The following COL15A1 variants were observed in gnomAD, a reference collection of about 807,000 sequenced individuals.
COL15A1 encodes collagen type XV alpha 1 chain.
A neutral mutation model predicts 165.9 loss-of-function variants in COL15A1; 111 were observed. The ratio of observed to expected loss-of-function variants is 0.67; its 90% CI spans 0.57 to 0.78. The LOEUF (loss-of-function observed/expected upper bound fraction) is 0.78. COL15A1 is among the 30% of genes least tolerant of loss of function. The pLI, the probability that COL15A1 is intolerant of heterozygous loss-of-function variation, is 0.00. For missense variants in COL15A1, 1,745 were observed against 1,789.7 expected, an observed-to-expected ratio of 0.98 and a Z score of 0.45; for synonymous variants, 659 against 674.8, an observed-to-expected ratio of 0.98 and a Z score of 0.36.
intron 2 of COL15A1, among the ~76,000 whole-genome samples, chr9:98,970,427 C>G (rs1361903376): frequency 6.6e-6 from 1 of 152,202 alleles, no homozygotes; most frequent in Non-Finnish European, 1.5e-5. Context: ...ATCAGAGAAA[C>G]CAAACCCTGT....
intron 2 of COL15A1, among the ~76,000 whole-genome samples, chr9:98,979,157 C>G (rs1429021628): frequency 1.3e-5 from 2 of 152,032 alleles, no homozygotes; most frequent in Admixed American, 1.3e-4. Context: ...AAATTTAAAC[C>G]ACGATGCTGT....
At chr9:98,973,478 T>TAAA (rs1163516648) in intron 2 of COL15A1, among the ~76,000 whole-genome samples, 1 of 152,248 alleles carries the variant, frequency 6.6e-6, no homozygotes, top group Non-Finnish European at 1.5e-5. Context: ...AAACAGTTCT[T>TAAA]TTTTAAGAAA....
At chr9:98,945,025 G>A (rs527817350) in intron 2 of COL15A1, among the ~76,000 whole-genome samples, 2 of 152,302 alleles carry the variant, frequency 1.3e-5, no homozygotes, top group Admixed American at 1.3e-4. Flanking sequence ...TCTGAAAAAG[G>A]CGATTAATTA....
At position 99,004,827 on chromosome 9, in the gene COL15A1, T is replaced by C. The variant is rs1264866095; in HGVS notation, c.1201-71T>C. On this transcript the variant is annotated intron_variant, in intron 8 of 41. Coordinates refer to ENST00000375001, the MANE Select transcript of COL15A1 (RefSeq NM_001855.5). ...GGTGCTTTGAGGGGCCCTGGCCTTCTGTTCCTTACCACAGTGTGGTGGATC... is the reference window on the plus strand; with the variant it reads ...GGTGCTTTGAGGGGCCCTGGCCTTCCGTTCCTTACCACAGTGTGGTGGATC... The C allele has an allele frequency of 6.3e-6, 10 of 1,591,382 alleles. No homozygotes were observed. In the East Asian group the frequency reaches 1.6e-4, roughly 25 times the overall value.
intron 6 of COL15A1, among the ~76,000 whole-genome samples, chr9:98,997,426 C>T (rs1838567290): frequency 6.6e-6 from 1 of 152,174 alleles, no homozygotes; most frequent in Admixed American, 6.5e-5. Context: ...TTGTTGAATA[C>T]CTACAGTGTG....
Position 99,044,571 on chromosome 9 carries a change from G to A in COL15A1, c.2578G>A (p.Glu860Lys), listed in dbSNP as rs185912222. ...GFPGLKGEQG[E>K]KGEPGAILTE... ...TGAGATGTTCTCTGAATTGCAGGGC[G>A]AGAAGGGAGAGCCGGGTGCCATCCT... Residue 860 changes from glutamate to lysine, a missense_variant, in exon 25 of 42, where the codon GAG becomes AAG. Physicochemically the swap from Glu to Lys is moderately conservative, Grantham distance 56. Transcript: ENST00000375001. 1.5e-5 allele frequency: 24 copies of A among 1,614,042 alleles called. 1 individual carries two copies. In the Admixed American group the frequency reaches 1.8e-4, roughly 12 times the overall value.
chr9:99,004,898 G>C lies in COL15A1; in HGVS notation c.1201G>C (p.Gly401Arg), dbSNP rs1838729856. ...CGGTTCCTGTTGACTTTCTATTCAG[G>C]GTCCAGATAATGAAGAGCGTTTAGC... The part of the protein sequence containing the change: ...TENPEEGVTP[G>R]PDNEERLAAT... Residue 401 changes from glycine (G) to arginine (R), a missense_variant and splice_region_variant, in exon 9 of 42, where the codon GGT becomes CGT. Coordinates refer to ENST00000375001, the MANE Select transcript of COL15A1 (RefSeq NM_001855.5). The C allele has an allele frequency of 6.2e-7, 1 of 1,613,854 alleles. No homozygotes were observed. Among genetic ancestry groups the C allele is most frequent in the Admixed American group, 1.7e-5 (1 of 59,996 alleles).
At chr9:99,055,019 A>G in intron 32 of COL15A1, 83 bp from the exon 33 acceptor site, 1 of 1,149,318 alleles carries the variant, frequency 8.7e-7, no homozygotes, top group Non-Finnish European at 1.3e-6. Context: ...ACTAAGATGT[A>G]ACTGTGGTTG....
intron 7 of COL15A1, among the ~76,000 whole-genome samples, chr9:99,002,404 G>GGAGGA (rs1838675798): frequency 6.6e-6 from 1 of 152,156 alleles, no homozygotes; most frequent in Admixed American, 6.6e-5. Context: ...TGAGTAGAGG[G>GGAGGA]GAGGAGAAGA....
intron 5 of COL15A1, among the ~76,000 whole-genome samples, chr9:98,991,032 C>G (rs2118905885): frequency 6.6e-6 from 1 of 152,240 alleles, no homozygotes; most frequent in Non-Finnish European, 1.5e-5. Flanking sequence ...GGCAGTGCCT[C>G]TGGAGTTGTT....
At chr9:99,061,937 A>T (rs1318780908) in intron 36 of COL15A1, 34 bp from the exon 37 acceptor site, 12 of 1,600,042 alleles carry the variant, frequency 7.5e-6, no homozygotes, top group Non-Finnish European at 1.0e-5. Flanking sequence ...CTCTAATGAT[A>T]ATGGCAGTGT....
rs1839383930 is a variant in COL15A1, at chr9:99,040,505, CTTT to C, written c.2476-15_2476-13del. The C allele has an allele frequency of 6.2e-7, 1 of 1,614,060 alleles. No individual in the cohort carries two copies. The highest frequency in any genetic ancestry group is 8.5e-7 in the Non-Finnish European group (1 of 1,180,048). ...CCGCTCCTAATCCAGCGTGCTCTAT[CTTT>C]GGTGTGTCACAGGGGCCGGACGGGT... On this transcript the variant is annotated splice_polypyrimidine_tract_variant and intron_variant, in intron 22 of 41. Coordinates refer to ENST00000375001, the MANE Select transcript of COL15A1 (RefSeq NM_001855.5).
intron 2 of COL15A1, among the ~76,000 whole-genome samples, chr9:98,961,329 G>A (rs985512937): frequency 6.6e-6 from 1 of 152,220 alleles, no homozygotes; most frequent in Non-Finnish European, 1.5e-5. Context: ...TTTATAAATG[G>A]TAGAAAATGT....
intron 16 of COL15A1, among the ~76,000 whole-genome samples, chr9:99,032,004 A>T (rs1309245382): frequency 6.6e-6 from 1 of 152,068 alleles, no homozygotes; most frequent in Non-Finnish European, 1.5e-5. Context: ...TGATTTGAAG[A>T]TGATCACCAT....
At position 99,016,046 on chromosome 9, in the gene COL15A1, A is replaced by T. The variant is rs1040185004; in HGVS notation, c.1574A>T (p.Glu525Val). 1.4e-5 allele frequency: 22 copies of T among 1,613,916 alleles called. No homozygotes were observed. The highest frequency in any genetic ancestry group is 1.8e-5 in the Non-Finnish European group (21 of 1,179,920). Residue 525 changes from glutamate to valine, a missense_variant, in exon 11 of 42, where the codon GAG (glutamate) becomes GTG (valine). Transcript: ENST00000375001. ...CCCCTCATCACAGCTGGGGGTGAAG[A>T]GTCCGGCAGCCCTCCCCCTGATGGG... is the stretch of plus-strand genomic sequence containing the variant. ...EEPLITAGGE[E>V]SGSPPPDGPP...
chr9:99,023,917 C>T (rs1206899372), intron 14 of COL15A1, among the ~76,000 whole-genome samples: 10 of 152,242 alleles, frequency 6.6e-5, no homozygotes, highest in Admixed American at 6.5e-4. Flanking sequence ...CTGCCTCCCT[C>T]TCCAGGCTAC....
intron 2 of COL15A1, among the ~76,000 whole-genome samples, chr9:98,967,806 T>C (rs911386372): frequency 2.0e-5 from 3 of 152,168 alleles, no homozygotes; most frequent in Admixed American, 6.5e-5. Flanking sequence ...CTGGCCTCCA[T>C]TCAGGTAGTA....
intron 5 of COL15A1, among the ~76,000 whole-genome samples, chr9:98,990,213 C>T (rs1445607471): frequency 6.6e-6 from 1 of 152,290 alleles, no homozygotes; most frequent in Non-Finnish European, 1.5e-5. Context: ...GAAAACTGCC[C>T]TTTGTGTACA....
At chr9:99,021,178 T>A (rs73655906) in intron 12 of COL15A1, among the ~76,000 whole-genome samples, 87 of 152,286 alleles carry the variant, frequency 5.7e-4, no homozygotes, top group African/African-American at 1.9e-3. Context: ...ATGACCCTGG[T>A]CCTCTGCCTG....
Sources: allele counts gnomAD v4.1 joint callset (sites outside exome capture counted in the v4.1 genomes callset), GRCh38; gene constraint gnomAD v4.1.1; transcripts MANE v1.5; gene names NCBI Gene and HGNC (gene_info 2026-07-23, HGNC 2026-07-21).